WWC2: variants seen among roughly 807,000 people sequenced by gnomAD.
The protein encoded by WWC2 is WW and C2 domain containing 2, also known as protein WWC2.
Under a neutral mutation model 138.5 loss-of-function variants are expected in WWC2, and 101 were observed. The observed-to-expected ratio is 0.73, with a 90% CI of 0.62 to 0.86. WWC2 has a LOEUF of 0.86. Ranked by LOEUF, WWC2 falls within the 40% of genes least tolerant of loss-of-function variation. WWC2 has a pLI of 0.00. For missense variants in WWC2, 1,420 were observed against 1,419.4 expected (o/e 1.00, Z -0.01); for synonymous variants, 558 against 538.4 (o/e 1.04, Z -0.50).
rs2111137036 is a variant in WWC2 at position 183,318,384 on chromosome 4, T to G, written c.*2655T>G. On this transcript the variant is annotated 3_prime_UTR_variant, in exon 23 of 23. Transcript: ENST00000403733. ...TAATCAGGTTAAATTCTGAACATGT[T>G]TCTGTTTTAATTTGTCTTGTTTGTA... 1 of 152,780 alleles carries G rather than the reference T, an allele frequency of 6.5e-6. No homozygotes were observed. Among genetic ancestry groups the G allele is most frequent in the South Asian group, 2.1e-4 (1 of 4,830 alleles). The allele number at this position is 152,780 out of a possible 1,614,324, so 9.5% of individuals were successfully genotyped here. A position where few individuals can be genotyped will look rare whatever the true frequency, so the allele number is the denominator to read the frequency against.
At chr4:183,143,510 T>C (rs915636792) in intron 1 of WWC2, among the ~76,000 whole-genome samples, 2 of 152,178 alleles carry the variant, frequency 1.3e-5, no homozygotes, top group African/African-American at 4.8e-5. Context: ...TTTTTAATAA[T>C]ATACAAACAT....
intron 1 of WWC2, among the ~76,000 whole-genome samples, chr4:183,112,101 A>T (rs757214173): frequency 2.6e-5 from 4 of 152,218 alleles, no homozygotes; most frequent in Non-Finnish European, 5.9e-5. Context: ...ACCAGTATTT[A>T]ACTTGGCAGA....
intron 9 of WWC2, among the ~76,000 whole-genome samples, chr4:183,258,585 GAAC>G (rs1310167942): frequency 6.6e-6 from 1 of 152,154 alleles, no homozygotes; most frequent in Non-Finnish European, 1.5e-5. Context: ...CTGAGGCTTT[GAAC>G]AAGTCAGATT....
intron 4 of WWC2, among the ~76,000 whole-genome samples, chr4:183,219,039 A>G (rs560396108): frequency 2.0e-5 from 3 of 152,230 alleles, no homozygotes; most frequent in Non-Finnish European, 4.4e-5. Context: ...GGTACATACT[A>G]CAACATGGAT....
chr4:183,163,307 T>G (rs944466366), intron 1 of WWC2, among the ~76,000 whole-genome samples: 20 of 152,216 alleles, frequency 1.3e-4, no homozygotes, highest in African/African-American at 4.3e-4. Flanking sequence ...ACCCCTGCCC[T>G]GGGCTGCCGG....
At chr4:183,175,260 T>TTTTTTG (rs956542673) in intron 1 of WWC2, among the ~76,000 whole-genome samples, 5 of 152,238 alleles carry the variant, frequency 3.3e-5, no homozygotes, top group Admixed American at 2.0e-4. Context: ...ATTTATTTAT[T>TTTTTTG]TTTTTGTTTT....
At chr4:183,253,720 A>C in intron 8 of WWC2, 37 bp from the exon 9 acceptor site, 1 of 1,588,812 alleles carries the variant, frequency 6.3e-7, no homozygotes, top group Non-Finnish European at 8.5e-7. Context: ...CAGGAGTTTT[A>C]AGTATGTGCA....
At chr4:183,315,554 G>A (rs892842390) in intron 22 of WWC2, 109 bp from the exon 23 acceptor site, 6 of 738,078 alleles carry the variant, frequency 8.1e-6, no homozygotes, top group Admixed American at 3.0e-5. Context: ...GCTTCTACCT[G>A]TGCTTGCAGA....
intron 17 of WWC2, chr4:183,282,481 A>G: frequency 1.9e-6 from 1 of 539,258 alleles, no homozygotes; most frequent in Non-Finnish European, 3.3e-6. Flanking sequence ...AAATTTCATG[A>G]GTTTAACTTT....
rs774184335 is a variant in WWC2 at position 183,261,163 on chromosome 4, C to G, written c.1540C>G (p.Pro514Ala). ...CCATGAAAACGAGGTGGTCAAGTCC[C>G]CTAGCCAGCCTGGCCAGAGTGGACT... ...TIHENEVVKSPSQPGQSGLCG... is the reference protein window; with the variant it reads ...TIHENEVVKSASQPGQSGLCG... Residue 514 changes from proline to alanine, a missense_variant, in exon 11 of 23, where the codon CCT becomes GCT. Pro to Ala is a conservative substitution (Grantham distance 27, BLOSUM62 -1). Transcript: ENST00000403733. 9 of 1,613,828 alleles carry G rather than the reference C, an allele frequency of 5.6e-6. No homozygotes were observed. The highest frequency in any genetic ancestry group is 7.6e-6 in the Non-Finnish European group (9 of 1,179,830).
chr4:183,179,674 G>A (rs1051588741), intron 1 of WWC2, among the ~76,000 whole-genome samples: 14 of 152,058 alleles, frequency 9.2e-5, no homozygotes, highest in African/African-American at 3.4e-4. Context: ...GAATGGGACT[G>A]GGGAAGTGGT....
chr4:183,282,955 T>C (rs774734658), intron 18 of WWC2, 49 bp downstream of exon 18: 2 of 1,495,170 alleles, frequency 1.3e-6, no homozygotes, highest in South Asian at 1.3e-5. Flanking sequence ...ACAGGCACCA[T>C]GTGGACTAGG....
Position 183,229,029 on chromosome 4 carries a change from T to A in WWC2, c.523-11154T>A, listed in dbSNP as rs570418127. On this transcript the variant is annotated intron_variant, in intron 4 of 22. Coordinates refer to ENST00000403733, the MANE Select transcript of WWC2 (RefSeq NM_024949.6). ...ACAAAACTATTTACAGGCCTAAACGTTGAGATAATGGTTACTTTTAGGGAA... is the reference window on the plus strand; with the variant it reads ...ACAAAACTATTTACAGGCCTAAACGATGAGATAATGGTTACTTTTAGGGAA... 4.9e-4 allele frequency among the ~76,000 whole-genome samples: 74 copies of A among 152,036 alleles called. 1 individual carries two copies. Among genetic ancestry groups the A allele is most frequent in the African/African-American group, 1.7e-3 (71 of 41,352 alleles).
chr4:183,241,990 T>C (rs1043432043), intron 5 of WWC2, among the ~76,000 whole-genome samples: 1 of 152,244 alleles, frequency 6.6e-6, no homozygotes, highest in East Asian at 1.9e-4. Context: ...ATCTAAGGCA[T>C]GTTTAAGAAT....
intron 1 of WWC2, among the ~76,000 whole-genome samples, chr4:183,109,607 G>A (rs1229281953): frequency 6.6e-6 from 1 of 152,194 alleles, no homozygotes; most frequent in Non-Finnish European, 1.5e-5. Flanking sequence ...GCTCTCCTAT[G>A]AGAATCTAAT....
chr4:183,208,164 C>G lies in WWC2; in HGVS notation c.445+8C>G, dbSNP rs753285196. On this transcript the variant is annotated splice_region_variant and intron_variant, in intron 3 of 22. Coordinates refer to ENST00000403733, the MANE Select transcript of WWC2 (RefSeq NM_024949.6). ...CAAGTTCTCACACAAGCTGTAAGTA[C>G]AGTGTGGCTATTCAGACTTTGGAAG... 1 of 1,612,862 alleles carries G rather than the reference C, an allele frequency of 6.2e-7. No homozygotes were observed. Among genetic ancestry groups the G allele is most frequent in the South Asian group, 1.1e-5 (1 of 90,890 alleles).
intron 17 of WWC2, 81 bp from the exon 18 acceptor site, chr4:183,282,627 A>T: frequency 1.5e-6 from 2 of 1,370,602 alleles, no homozygotes; most frequent in Non-Finnish European, 1.0e-6. Flanking sequence ...TATTTCCCAG[A>T]TAACAACTTA....
chr4:183,115,873 G>A (rs954019866), intron 1 of WWC2, among the ~76,000 whole-genome samples: 3 of 152,076 alleles, frequency 2.0e-5, no homozygotes, highest in African/African-American at 7.2e-5. Flanking sequence ...TTTCTTTTTT[G>A]TTGCAGTTGC....
rs528729416 is a variant in WWC2, at chr4:183,226,170, C to T, written c.523-14013C>T. ...TGAGTGCAGTGGTGGAATCACGGCTCGCTGCAGCCTCAGCCTCCCAGACTC... is the reference window on the plus strand; with the variant it reads ...TGAGTGCAGTGGTGGAATCACGGCTTGCTGCAGCCTCAGCCTCCCAGACTC... On this transcript the variant is annotated intron_variant, in intron 4 of 22. Coordinates refer to ENST00000403733, the MANE Select transcript of WWC2 (RefSeq NM_024949.6). Among the ~76,000 whole-genome samples, 7 of 148,420 alleles carry T rather than the reference C, an allele frequency of 4.7e-5. No individual in the cohort carries two copies. In the East Asian group the frequency reaches 8.0e-4, roughly 17 times the overall value.
Sources: gnomAD v4.1 joint callset for allele counts (sites outside exome capture counted in the v4.1 genomes callset) on GRCh38, gnomAD v4.1.1 for gene constraint, MANE v1.5 for transcripts, NCBI Gene and HGNC (gene_info 2026-07-23, HGNC 2026-07-21) for gene names.